Variants in GABRG3 observed in about 807,000 individuals in gnomAD.
GABRG3 encodes the protein gamma-aminobutyric acid receptor subunit gamma-3.
In GABRG3, 25 loss-of-function variants were observed where a neutral mutation model predicts 48.8. That is an observed-to-expected ratio of 0.51 (90% CI 0.37 to 0.72). The LOEUF (loss-of-function observed/expected upper bound fraction) is 0.72, where lower values mean the gene tolerates loss of function less well. GABRG3 is among the 30% of genes least tolerant of loss of function. GABRG3 has a pLI of 0.00. For synonymous variants in GABRG3, 227 were observed against 217.6 expected (o/e 1.04, Z -0.38); for missense variants, 394 against 577.9 (o/e 0.68, Z 3.26).
At chr15:27,259,569 ACTCTC>A (rs1481772213) in intron 3 of GABRG3, among the ~76,000 whole-genome samples, 1 of 152,080 alleles carries the variant, frequency 6.6e-6, no homozygotes, top group African/African-American at 2.4e-5. Context: ...GCAAGGTCCT[ACTCTC>A]TTAGAGTTCC....
At chr15:27,351,113 T>C (rs900694315) in intron 5 of GABRG3, among the ~76,000 whole-genome samples, 1 of 149,842 alleles carries the variant, frequency 6.7e-6, no homozygotes, top group Non-Finnish European at 1.5e-5. Context: ...GTGTATGGTG[T>C]GTGTGTATGG....
chr15:27,045,962 G>A (rs956096802), intron 3 of GABRG3, among the ~76,000 whole-genome samples: 3 of 152,222 alleles, frequency 2.0e-5, no homozygotes, highest in Non-Finnish European at 4.4e-5. Flanking sequence ...AATTATGTTT[G>A]CTTTGCCAGA....
chr15:27,274,048 T>A (rs925691334), intron 3 of GABRG3, among the ~76,000 whole-genome samples: 12 of 152,160 alleles, frequency 7.9e-5, no homozygotes, highest in African/African-American at 2.7e-4. Context: ...ACCGTGTGGA[T>A]CCTTCCATAG....
chr15:27,191,012 C>T (rs1378730196), intron 3 of GABRG3, among the ~76,000 whole-genome samples: 1 of 152,108 alleles, frequency 6.6e-6, no homozygotes. Context: ...GCAGGTTGTT[C>T]AGTTTCCATG....
chr15:27,443,978 G>T (rs1888867038), intron 5 of GABRG3, among the ~76,000 whole-genome samples: 1 of 152,054 alleles, frequency 6.6e-6, no homozygotes, highest in African/African-American at 2.4e-5. Flanking sequence ...GTAATTTCCT[G>T]GGGTAATCAT....
chr15:27,436,978 A>AGC, intron 5 of GABRG3, among the ~76,000 whole-genome samples: 1 of 145,808 alleles, frequency 6.9e-6, no homozygotes, highest in Admixed American at 7.0e-5. Flanking sequence ...CCTGGGTGAG[A>AGC]CTCCTTCTCC....
intron 5 of GABRG3, among the ~76,000 whole-genome samples, chr15:27,478,949 C>A (rs1890027860): frequency 6.6e-6 from 1 of 151,832 alleles, no homozygotes; most frequent in South Asian, 2.1e-4. Context: ...ATAGACCAAA[C>A]TATAGTGACA....
At chr15:27,463,356 C>G (rs1396592960) in intron 5 of GABRG3, among the ~76,000 whole-genome samples, 1 of 152,204 alleles carries the variant, frequency 6.6e-6, no homozygotes, top group Middle Eastern at 3.2e-3. Context: ...GCAAAGATAT[C>G]TGACCTCCCA....
intron 3 of GABRG3, among the ~76,000 whole-genome samples, chr15:27,135,136 A>G (rs1177384969): frequency 1.3e-5 from 2 of 152,184 alleles, no homozygotes; most frequent in Non-Finnish European, 2.9e-5. Context: ...TTTTAGCTAT[A>G]GTAAAGAGAA....
chr15:27,378,034 A>G (rs1895652433), intron 5 of GABRG3, among the ~76,000 whole-genome samples: 1 of 152,120 alleles, frequency 6.6e-6, no homozygotes, highest in South Asian at 2.1e-4. Flanking sequence ...AACTTTACAG[A>G]GGATTAACTG....
chr15:27,183,976 A>G lies in GABRG3; in HGVS notation c.271-142833A>G, dbSNP rs577569329. Among the ~76,000 whole-genome samples the G allele has an allele frequency of 3.3e-5, 5 of 152,306 alleles. No individual in the cohort carries two copies. The South Asian group carries it at 1.0e-3, about 32-fold the overall frequency. ...GAGTAATTAACTCTTACCTGGGGTAACAAAAGACATTAACAAGAGAAAAAC... is the reference window on the plus strand; with the variant it reads ...GAGTAATTAACTCTTACCTGGGGTAGCAAAAGACATTAACAAGAGAAAAAC... On this transcript the variant is annotated intron_variant, in intron 3 of 9. Transcript: ENST00000615808.
At chr15:27,366,482 C>T (rs1029240866) in intron 5 of GABRG3, 3 of 152,150 alleles carry the variant, frequency 2.0e-5, no homozygotes. Context: ...GGCCTTTGAT[C>T]GCCAGTAATT....
intron 5 of GABRG3, among the ~76,000 whole-genome samples, chr15:27,479,096 G>A (rs1595782255): frequency 6.6e-6 from 1 of 151,696 alleles, no homozygotes; most frequent in Non-Finnish European, 1.5e-5. Context: ...ATTAGATTAG[G>A]GTGATGGTTC....
intron 3 of GABRG3, among the ~76,000 whole-genome samples, chr15:27,190,518 G>T (rs1298757498): frequency 1.3e-5 from 2 of 152,140 alleles, no homozygotes; most frequent in African/African-American, 2.4e-5. Flanking sequence ...TTGCGTAGAG[G>T]TGTTTGTAGT....
intron 3 of GABRG3, among the ~76,000 whole-genome samples, chr15:27,084,725 G>T (rs1186589682): frequency 1.3e-5 from 2 of 152,190 alleles, no homozygotes; most frequent in African/African-American, 4.8e-5. Flanking sequence ...CAGCCACATG[G>T]AACAGACTCT....
intron 3 of GABRG3, among the ~76,000 whole-genome samples, chr15:27,202,312 A>G (rs1888711244): frequency 6.6e-6 from 1 of 151,972 alleles, no homozygotes; most frequent in East Asian, 1.9e-4. Context: ...TCAATCCTTC[A>G]GGTCAACAGA....
chr15:27,187,721 T>A (rs187630202), intron 3 of GABRG3, among the ~76,000 whole-genome samples: 289 of 152,204 alleles, frequency 1.9e-3, no homozygotes, highest in African/African-American at 5.1e-3. Flanking sequence ...ATGTTAATTT[T>A]TTTTATTTTA....
intron 3 of GABRG3, among the ~76,000 whole-genome samples, chr15:27,036,669 G>A (rs1228962671): frequency 1.3e-5 from 2 of 152,206 alleles, no homozygotes; most frequent in African/African-American, 2.4e-5. Context: ...CAGGCTGGGC[G>A]ACAGAACAAG....
chr15:27,005,201 T>A (rs1004309362), intron 2 of GABRG3, among the ~76,000 whole-genome samples: 9 of 151,994 alleles, frequency 5.9e-5, no homozygotes, highest in Non-Finnish European at 1.2e-4. Context: ...TATTTTATTT[T>A]ATTTATTTAT....
Sources: gnomAD v4.1 joint callset for allele counts (sites outside exome capture counted in the v4.1 genomes callset) on GRCh38, gnomAD v4.1.1 for gene constraint, MANE v1.5 for transcripts, NCBI Gene and HGNC (gene_info 2026-07-23, HGNC 2026-07-21) for gene names.